Variants in SWT1 observed in about 807,000 individuals in gnomAD.
The protein encoded by SWT1 is SWT1 RNA endoribonuclease homolog.
In SWT1, 33 loss-of-function variants were observed where a neutral mutation model predicts 107.3. The observed-to-expected ratio is 0.31, with a 90% confidence interval of 0.23 to 0.41. The LOEUF (loss-of-function observed/expected upper bound fraction) is 0.41. Among genes scored for constraint, SWT1 ranks in the 10% least tolerant of loss-of-function variants. SWT1 has a pLI of 1.00. For missense variants in SWT1, 898 were observed against 1,028.9 expected (o/e 0.87, Z 1.74); for synonymous variants, 345 against 348.3 (o/e 0.99, Z 0.11).
intron 18 of SWT1, among the ~76,000 whole-genome samples, chr1:185,284,398 C>T (rs1664826330): frequency 6.6e-6 from 1 of 152,226 alleles, no homozygotes; most frequent in Non-Finnish European, 1.5e-5. Flanking sequence ...AATTACAAGG[C>T]TTTATCTGAC....
At chr1:185,217,612 C>T (rs1478018568) in intron 14 of SWT1, among the ~76,000 whole-genome samples, 1 of 151,750 alleles carries the variant, frequency 6.6e-6, no homozygotes, top group African/African-American at 2.4e-5. Context: ...TTCCTCCCTT[C>T]CTCTCTAGAG....
At chr1:185,182,659 T>TCC (rs1209194745) in intron 7 of SWT1, among the ~76,000 whole-genome samples, 4 of 99,888 alleles carry the variant, frequency 4.0e-5, no homozygotes, top group Non-Finnish European at 7.4e-5. Context: ...AACAAGACCC[T>TCC]CTCTCTCTCA....
intron 14 of SWT1, among the ~76,000 whole-genome samples, chr1:185,220,363 C>T (rs1659563896): frequency 6.6e-6 from 1 of 151,450 alleles, no homozygotes; most frequent in South Asian, 2.1e-4. Flanking sequence ...CATTTGCTTT[C>T]TGATTATCAA....
In SWT1 at chr1:185,264,241, T is replaced by A. The variant is rs1190260965; in HGVS notation, c.2442-7082T>A. 8.3e-6 allele frequency: 4 copies of A among 482,592 alleles called. No individual in the cohort carries two copies. The East Asian group carries it at 6.1e-4, about 73-fold the overall frequency. 29.9% of individuals were successfully genotyped at this position (482,592 alleles called of 1,614,324 possible). ...TAATCAATAGGGATGAAAAGTGTAGTTAAGTATATAGTAGACATCTTTTGC... is the reference window on the plus strand; with the variant it reads ...TAATCAATAGGGATGAAAAGTGTAGATAAGTATATAGTAGACATCTTTTGC... On this transcript the variant is annotated intron_variant, in intron 16 of 18. Transcript: ENST00000367500.
At chr1:185,168,906 T>G (rs961775329) in intron 4 of SWT1, among the ~76,000 whole-genome samples, 1 of 152,120 alleles carries the variant, frequency 6.6e-6, no homozygotes, top group Admixed American at 6.5e-5. Context: ...GGATAAAAAT[T>G]TCAGTGAAAT....
At position 185,257,653 on chromosome 1, in the gene SWT1, C is replaced by T. The variant is rs190801681; in HGVS notation, c.2442-13670C>T. Among the ~76,000 whole-genome samples, 797 of 152,316 alleles carry T rather than the reference C, an allele frequency of 5.2e-3. 7 individuals are homozygous for T. The highest frequency in any genetic ancestry group is 0.017 in the African/African-American group (713 of 41,586). On this transcript the variant is annotated intron_variant, in intron 16 of 18. Transcript: ENST00000367500. Reference sequence around the variant, plus strand: ...CCTGCTTCGGCTCGCACATGGTGCGCGCACCCACTGACCTGTGCCCACTGT... The same window carrying T: ...CCTGCTTCGGCTCGCACATGGTGCGTGCACCCACTGACCTGTGCCCACTGT...
chr1:185,248,457 T>A (rs1661766033), intron 16 of SWT1, among the ~76,000 whole-genome samples: 3 of 152,228 alleles, frequency 2.0e-5, no homozygotes, highest in African/African-American at 7.2e-5. Context: ...TAGAAGTCCA[T>A]GTTCAGAAAT....
chr1:185,208,642 CATAA>C (rs1332272785), intron 13 of SWT1, among the ~76,000 whole-genome samples: 1 of 151,942 alleles, frequency 6.6e-6, no homozygotes, highest in Admixed American at 6.6e-5. Flanking sequence ...ATGTGTCAAC[CATAA>C]ATAAAGTAAG....
At chr1:185,267,272 G>T (rs934222842) in intron 16 of SWT1, among the ~76,000 whole-genome samples, 24 of 152,174 alleles carry the variant, frequency 1.6e-4, no homozygotes, top group Admixed American at 6.5e-5. Context: ...ACTTTATGAG[G>T]TTAACGCTGC....
intron 9 of SWT1, among the ~76,000 whole-genome samples, chr1:185,189,658 C>T (rs1195231976): frequency 6.6e-6 from 1 of 151,960 alleles, no homozygotes; most frequent in African/African-American, 2.4e-5. Flanking sequence ...TTACTAATAG[C>T]CATATCCTAG....
chr1:185,266,145 G>T (rs1227819842), intron 16 of SWT1, among the ~76,000 whole-genome samples: 1 of 152,004 alleles, frequency 6.6e-6, no homozygotes, highest in Non-Finnish European at 1.5e-5. Context: ...CTCACTGCAA[G>T]CTCCGCCTGC....
rs140170072 is a variant in SWT1 at position 185,171,860 on chromosome 1, C to T, written c.225-2512C>T. On this transcript the variant is annotated intron_variant, in intron 4 of 18. Transcript: ENST00000367500. ...CCAAGTAAGTAGCTGGGACTACAGG[C>T]GCATGCCACCACTGCACTTCAGCCT... The T allele has an allele frequency of 1.4e-3, 459 of 328,642 alleles. 2 individuals carry two copies. Among genetic ancestry groups the T allele is most frequent in the African/African-American group, 4.3e-3 (193 of 45,380 alleles). The allele number at this position is 328,642 out of a possible 1,614,324, so 20.4% of individuals were successfully genotyped here.
chr1:185,243,144 G>A (rs530335022), intron 16 of SWT1, among the ~76,000 whole-genome samples: 2 of 152,116 alleles, frequency 1.3e-5, no homozygotes, highest in South Asian at 2.1e-4. Flanking sequence ...GGTTTCACTC[G>A]GATGCCCAGG....
intron 16 of SWT1, among the ~76,000 whole-genome samples, chr1:185,254,731 C>T (rs1331024920): frequency 1.8e-4 from 27 of 151,592 alleles, no homozygotes; most frequent in Middle Eastern, 3.4e-3. Flanking sequence ...AAAAAACCAG[C>T]TCCTGGATTC....
chr1:185,232,104 C>CT (rs1448141344), intron 16 of SWT1, among the ~76,000 whole-genome samples: 6 of 152,070 alleles, frequency 3.9e-5, no homozygotes, highest in African/African-American at 1.4e-4. Flanking sequence ...CCTTGTTAAT[C>CT]TAGAAGGCAT....
In SWT1 at chr1:185,184,318, G is replaced by T. The variant is rs1216259527; in HGVS notation, c.1214G>T (p.Arg405Ile). 1.3e-6 allele frequency: 2 copies of T among 1,560,894 alleles called. No homozygotes were observed. Among genetic ancestry groups the T allele is most frequent in the Non-Finnish European group, 8.8e-7 (1 of 1,141,634 alleles). ...CTGATGAATCATCTCAAATTTGTTA[G>T]AATTTTGAAGACAACAGAAGTACCA... ...NILMNHLKFV[R>I]ILKTTEVPGF... The change falls in exon 8 of 19, where the codon AGA (arginine) becomes ATA (isoleucine). Residue 405 changes from arginine to isoleucine, a missense_variant. This residue lies in a region of SWT1 where 94 missense variants were observed against 114.5 expected (regional missense o/e 0.82). Transcript: ENST00000367500.
At chr1:185,266,353 C>T (rs1216879448) in intron 16 of SWT1, among the ~76,000 whole-genome samples, 2 of 152,188 alleles carry the variant, frequency 1.3e-5, no homozygotes, top group South Asian at 2.1e-4. Flanking sequence ...CGTGAGCCAC[C>T]GTGCCCAGCC....
chr1:185,195,162 C>T (rs141848966), intron 10 of SWT1, among the ~76,000 whole-genome samples: 58 of 152,196 alleles, frequency 3.8e-4, no homozygotes, highest in Middle Eastern at 3.4e-3. Context: ...CTCAACCACC[C>T]GACAGGCCCC....
chr1:185,190,164 T>C (rs1656833600), intron 9 of SWT1, among the ~76,000 whole-genome samples: 1 of 152,190 alleles, frequency 6.6e-6, no homozygotes, highest in East Asian at 1.9e-4. Context: ...TATTTTTTAA[T>C]AGAGTTTTTG....
Sources: allele counts gnomAD v4.1 joint callset (sites outside exome capture counted in the v4.1 genomes callset), GRCh38; gene constraint gnomAD v4.1.1; regional missense constraint gnomAD v4.1.1; transcripts MANE v1.5; gene names NCBI Gene and HGNC (gene_info 2026-07-23, HGNC 2026-07-21).